BPIFB3: variants seen among roughly 807,000 people sequenced by gnomAD.
BPIFB3 encodes the protein BPI fold containing family B member 3.
Under a neutral mutation model 53.1 loss-of-function variants are expected in BPIFB3, and 49 were observed. That is an observed-to-expected ratio of 0.92 (90% CI 0.73 to 1.17). The LOEUF (loss-of-function observed/expected upper bound fraction) is 1.17, where lower values mean the gene tolerates loss of function less well. BPIFB3 is among the 50% of genes most tolerant of loss of function. The probability of loss-of-function intolerance (pLI) is 0.00; values close to 1 mark genes in which losing one functional copy is unlikely to be tolerated. For missense variants in BPIFB3, 628 were observed against 592.5 expected (o/e 1.06, Z -0.62); for synonymous variants, 271 against 269.6 (o/e 1.01, Z -0.05).
intron 5 of BPIFB3, 100 bp downstream of exon 6, chr20:33,061,931 G>C: frequency 7.2e-7 from 1 of 1,395,820 alleles, no homozygotes; most frequent in Non-Finnish European, 1.0e-6. Context: ...GGATTAGGCT[G>C]TACTTCCCTT....
At chr20:33,066,753 G>A in intron 8 of BPIFB3, 71 bp from the exon 10 acceptor site, 2 of 1,477,810 alleles carry the variant, frequency 1.4e-6, no homozygotes, top group Middle Eastern at 1.7e-4. Flanking sequence ...GAACGAAACT[G>A]CTCTGAGTGT....
intron 8 of BPIFB3, among the ~76,000 whole-genome samples, chr20:33,066,274 G>A (rs1980667830): frequency 6.6e-6 from 1 of 152,192 alleles, no homozygotes; most frequent in African/African-American, 2.4e-5. Context: ...CACAAGGGGA[G>A]GGGGTGCAGG....
Position 33,058,673 on chromosome 20 carries a change from T to G in BPIFB3, c.282-705T>G, listed in dbSNP as rs146748300. Among the ~76,000 whole-genome samples the G allele has an allele frequency of 6.9e-3, 1,048 of 152,170 alleles. 3 individuals carry two copies. The highest frequency in any genetic ancestry group is 0.01 in the Non-Finnish European group (686 of 68,016). On this transcript the variant is annotated intron_variant, in intron 2 of 14. Transcript: ENST00000375494. ...CATGAGCTTGGCATTGTTCGTGCCT[T>G]GAAGAGCTCCTCATAGGTGGTGGAG...
upstream of BPIFB3, among the ~76,000 whole-genome samples, chr20:33,054,323 G>A (rs896629557): frequency 1.3e-5 from 2 of 152,024 alleles, no homozygotes; most frequent in African/African-American, 2.4e-5. Flanking sequence ...ACGCACAGAG[G>A]CCTTAGACAT....
At chr20:33,055,359 A>G, upstream of BPIFB3, 1 of 1,592,732 alleles carries the variant, frequency 6.3e-7, no homozygotes, top group Non-Finnish European at 8.6e-7. Flanking sequence ...GATAATGGGA[A>G]CAGAGAGGGG....
intron 2 of BPIFB3, among the ~76,000 whole-genome samples, chr20:33,058,316 G>A (rs548275162): frequency 6.6e-6 from 1 of 152,288 alleles, no homozygotes; most frequent in African/African-American, 2.4e-5. Flanking sequence ...GATGTTGCTC[G>A]AGGTTCGCTG....
intron 4 of BPIFB3, among the ~76,000 whole-genome samples, chr20:33,060,277 C>T (rs1027976360): frequency 1.6e-4 from 25 of 152,230 alleles, no homozygotes; most frequent in African/African-American, 1.9e-4. Flanking sequence ...GTCTGGTTCA[C>T]GGGATCCTGC....
exon 4 of BPIFB3, chr20:33,059,954 C>G (rs768897443): frequency 5.0e-6 from 8 of 1,614,142 alleles, no homozygotes; most frequent in Non-Finnish European, 6.8e-6. Flanking sequence ...TGGCGCTGGC[C>G]GTGAGCTCAA....
intron 11 of BPIFB3, among the ~76,000 whole-genome samples, chr20:33,070,432 C>CT (rs1980837510): frequency 6.6e-6 from 1 of 152,236 alleles, no homozygotes; most frequent in Non-Finnish European, 1.5e-5. Flanking sequence ...AGTCCTTCAT[C>CT]TACACGCACA....
intron 2 of BPIFB3, 23 bp from the exon 4 acceptor site, chr20:33,059,355 C>T (rs1332997512): frequency 6.3e-6 from 10 of 1,575,516 alleles, no homozygotes; most frequent in Non-Finnish European, 7.8e-6. Context: ...AGTGAGCAAC[C>T]CTCTCCCTGA....
At position 33,060,662 on chromosome 20, in the gene BPIFB3, C is replaced by T. The variant is rs540024905; in HGVS notation, c.527+631C>T. Among the ~76,000 whole-genome samples the T allele has an allele frequency of 9.9e-5, 15 of 152,246 alleles. No individual in the cohort carries two copies. The South Asian group carries it at 2.3e-3, about 23-fold the overall frequency. On this transcript the variant is annotated intron_variant, in intron 4 of 14. Coordinates refer to ENST00000375494, the Ensembl canonical transcript of BPIFB3. ...TCGGCTCACTGCAACCTCTGCCTCC[C>T]GGCTTCATGCAATTCTTCTGCCTCA... is the stretch of plus-strand genomic sequence containing the variant.
chr20:33,070,154 G>A (rs1980826979), intron 11 of BPIFB3, among the ~76,000 whole-genome samples, 199 bp downstream of exon 12: 1 of 152,198 alleles, frequency 6.6e-6, no homozygotes, highest in Non-Finnish European at 1.5e-5. Context: ...GCTCAGAGCA[G>A]CAGGCTCAAG....
At chr20:33,054,643 A>G (rs752578616), upstream of BPIFB3, among the ~76,000 whole-genome samples, 2 of 152,152 alleles carry the variant, frequency 1.3e-5, no homozygotes, top group Non-Finnish European at 2.9e-5. Context: ...AAAGGCAGGC[A>G]GGGATTTTGT....
At chr20:33,072,404 G>A (rs372642063) in intron 13 of BPIFB3, among the ~76,000 whole-genome samples, 79 of 152,290 alleles carry the variant, frequency 5.2e-4, no homozygotes, top group African/African-American at 1.8e-3. Context: ...CCTGCCTTAA[G>A]CTCCCACAGT....
At chr20:33,065,601 A>AGAAGGAAG (rs138287230) in intron 8 of BPIFB3, among the ~76,000 whole-genome samples, 2 of 151,068 alleles carry the variant, frequency 1.3e-5, no homozygotes, top group South Asian at 2.1e-4. Flanking sequence ...AAGGAAGGAA[A>AGAAGGAAG]GAAGGAAGGA....
intron 2 of BPIFB3, among the ~76,000 whole-genome samples, chr20:33,058,185 A>AGT (rs1980297653): frequency 6.6e-6 from 1 of 152,236 alleles, no homozygotes; most frequent in South Asian, 2.1e-4. Context: ...GCTGAAGCCC[A>AGT]GTGTATGGAG....
intron 8 of BPIFB3, among the ~76,000 whole-genome samples, chr20:33,065,581 A>AGAAG (rs1320959445): frequency 3.3e-5 from 5 of 149,574 alleles, no homozygotes; most frequent in African/African-American, 5.0e-5. Context: ...GAGAGAGAAA[A>AGAAG]GAAGGAAGGA....
At chr20:33,059,396 C>T (rs773905028) in exon 3 of BPIFB3, 8 of 1,611,908 alleles carry the variant, frequency 5.0e-6, no homozygotes, top group African/African-American at 2.7e-5. Context: ...TTGAGGAGCT[C>T]ACGCTGCCAA....
exon 3 of BPIFB3, chr20:33,059,415 C>G: frequency 2.5e-6 from 4 of 1,613,032 alleles, no homozygotes; most frequent in Non-Finnish European, 3.4e-6. Flanking sequence ...AAAGGTGTTG[C>G]TGAAGCTGCT....
Sources: gnomAD v4.1 joint callset for allele counts (sites outside exome capture counted in the v4.1 genomes callset) on GRCh38, gnomAD v4.1.1 for gene constraint, MANE v1.5 for transcripts, NCBI Gene and HGNC (gene_info 2026-07-23, HGNC 2026-07-21) for gene names.